Variants in DSCAM observed in about 807,000 individuals in gnomAD.
DSCAM encodes the protein cell adhesion molecule DSCAM.
A neutral mutation model predicts 217.7 loss-of-function variants in DSCAM; 47 were observed. The observed-to-expected ratio is 0.22, with a 90% CI of 0.17 to 0.28. The LOEUF is 0.28. Among genes scored for constraint, DSCAM ranks in the 10% least tolerant of loss-of-function variants. DSCAM has a pLI of 1.00. For missense variants in DSCAM, 2,080 were observed against 2,618.3 expected, an observed-to-expected ratio of 0.79 and a Z score of 4.49; for synonymous variants, 1,056 against 1,015.3, an observed-to-expected ratio of 1.04 and a Z score of -0.76.
intron 3 of DSCAM, among the ~76,000 whole-genome samples, chr21:40,585,397 G>A (rs1456100706): frequency 2.0e-5 from 1 of 49,084 alleles, no homozygotes; most frequent in Non-Finnish European, 5.2e-5. Context: ...TCCAGCCTGG[G>A]CGACAGAGCA....
intron 1 of DSCAM, among the ~76,000 whole-genome samples, chr21:40,745,192 A>T (rs1263519949): frequency 6.6e-6 from 1 of 152,154 alleles, no homozygotes; most frequent in Non-Finnish European, 1.5e-5. Flanking sequence ...TCTATATAAT[A>T]GTAGTTCCCC....
intron 3 of DSCAM, among the ~76,000 whole-genome samples, chr21:40,691,226 A>G (rs917937262): frequency 6.6e-6 from 1 of 152,218 alleles, no homozygotes; most frequent in African/African-American, 2.4e-5. Flanking sequence ...AACAGAGATA[A>G]CATGTGTCAC....
At chr21:40,136,500 C>A (rs1442615003) in intron 18 of DSCAM, among the ~76,000 whole-genome samples, 1 of 152,114 alleles carries the variant, frequency 6.6e-6, no homozygotes, top group Non-Finnish European at 1.5e-5. Context: ...TAATTAAAAA[C>A]TCATATGCTA....
chr21:40,776,200 A>C (rs1322334431), intron 1 of DSCAM, among the ~76,000 whole-genome samples: 1 of 152,104 alleles, frequency 6.6e-6, no homozygotes, highest in Non-Finnish European at 1.5e-5. Context: ...ATAAATAAAT[A>C]CCTCTAATAT....
At chr21:40,175,811 A>ACACACACACACACG (rs2090722103) in intron 15 of DSCAM, among the ~76,000 whole-genome samples, 8 of 127,470 alleles carry the variant, frequency 6.3e-5, no homozygotes, top group African/African-American at 1.1e-4. Context: ...ACACACACGC[A>ACACACACACACACG]CACACACACA....
At chr21:40,428,001 G>C (rs568006241) in intron 3 of DSCAM, among the ~76,000 whole-genome samples, 1 of 152,152 alleles carries the variant, frequency 6.6e-6, no homozygotes, top group South Asian at 2.1e-4. Context: ...GTGCTACACT[G>C]TATCATCTTC....
intron 1 of DSCAM, among the ~76,000 whole-genome samples, chr21:40,832,266 T>C (rs1320163167): frequency 6.6e-6 from 1 of 152,210 alleles, no homozygotes. Context: ...AAGCTATTGT[T>C]TTTATGATCA....
intron 3 of DSCAM, among the ~76,000 whole-genome samples, chr21:40,400,977 T>G (rs2123775231): frequency 6.6e-6 from 1 of 152,362 alleles, no homozygotes; most frequent in South Asian, 2.1e-4. Context: ...ATTGGGAGGC[T>G]GTCAAGTACA....
At chr21:40,122,166 T>C (rs553551053) in intron 20 of DSCAM, among the ~76,000 whole-genome samples, 3 of 152,330 alleles carry the variant, frequency 2.0e-5, no homozygotes, top group African/African-American at 7.2e-5. Flanking sequence ...CCTTTTCTAT[T>C]GTATGTAATT....
chr21:40,778,495 G>T (rs2091509855), intron 1 of DSCAM, among the ~76,000 whole-genome samples: 1 of 152,150 alleles, frequency 6.6e-6, no homozygotes, highest in Admixed American at 6.6e-5. Context: ...TTTCATGGAA[G>T]AAGGTGCTTA....
chr21:40,048,804 G>A (rs1354379359), intron 30 of DSCAM, among the ~76,000 whole-genome samples: 2 of 152,192 alleles, frequency 1.3e-5, no homozygotes, highest in Non-Finnish European at 2.9e-5. Flanking sequence ...CTGGGCAGAG[G>A]TGAGAAGCTC....
chr21:40,234,052 G>A (rs922197579), intron 11 of DSCAM, among the ~76,000 whole-genome samples: 1 of 152,206 alleles, frequency 6.6e-6, no homozygotes, highest in Non-Finnish European at 1.5e-5. Context: ...TGCTGGGAAT[G>A]TACAACAGCT....
chr21:40,219,379 G>T (rs1272117707), intron 11 of DSCAM, among the ~76,000 whole-genome samples: 2 of 152,016 alleles, frequency 1.3e-5, no homozygotes, highest in African/African-American at 4.8e-5. Flanking sequence ...TATATTATAC[G>T]ACTGCCTCCT....
chr21:40,479,562 T>C (rs1289562144), intron 3 of DSCAM, among the ~76,000 whole-genome samples: 2 of 152,196 alleles, frequency 1.3e-5, no homozygotes, highest in African/African-American at 4.8e-5. Flanking sequence ...ATGTCTTACA[T>C]GGCAGCAGGC....
chr21:40,426,723 T>C (rs562469775), intron 3 of DSCAM, among the ~76,000 whole-genome samples: 1 of 152,122 alleles, frequency 6.6e-6, no homozygotes, highest in South Asian at 2.1e-4. Flanking sequence ...CCAGCAAGCT[T>C]TGTTGTGTGC....
intron 1 of DSCAM, among the ~76,000 whole-genome samples, chr21:40,770,341 C>G (rs1442826207): frequency 1.3e-5 from 2 of 152,180 alleles, no homozygotes; most frequent in African/African-American, 4.8e-5. Flanking sequence ...CTATTGGCAT[C>G]TCAGCATCAA....
At chr21:40,062,384 T>C (rs1287267087) in intron 28 of DSCAM, among the ~76,000 whole-genome samples, 1 of 152,228 alleles carries the variant, frequency 6.6e-6, no homozygotes, top group Non-Finnish European at 1.5e-5. Flanking sequence ...AGGACCAGAA[T>C]AGACAGTGAA....
chr21:40,338,657 GTAAC>G (rs2074454358), intron 7 of DSCAM, among the ~76,000 whole-genome samples: 1 of 152,180 alleles, frequency 6.6e-6, no homozygotes, highest in Non-Finnish European at 1.5e-5. Flanking sequence ...TTAATAGAAA[GTAAC>G]TAGTCTATAC....
In DSCAM at chr21:40,635,001, G is replaced by T. The variant is rs144961908; in HGVS notation, c.508+57809C>A. Among the ~76,000 whole-genome samples the T allele has an allele frequency of 1.3e-3, 205 of 152,264 alleles. 1 individual carries two copies. Among genetic ancestry groups the T allele is most frequent in the African/African-American group, 4.5e-3 (188 of 41,548 alleles). ...TAAGTTTCACAAAGATAGGAATTTT[G>T]TCTCTCTAAAATTTTCTGTAGTCTT... On this transcript the variant is annotated intron_variant, in intron 3 of 32. Coordinates refer to ENST00000400454, the MANE Select transcript of DSCAM (RefSeq NM_001389.5).
Sources: allele counts gnomAD v4.1 joint callset (sites outside exome capture counted in the v4.1 genomes callset), GRCh38; gene constraint gnomAD v4.1.1; transcripts MANE v1.5; gene names NCBI Gene and HGNC (gene_info 2026-07-23, HGNC 2026-07-21).